The following CALN1 variants were observed in gnomAD, a reference collection of about 807,000 sequenced individuals.
CALN1 encodes calneuron 1.
Under a neutral mutation model 30.6 loss-of-function variants are expected in CALN1, and 17 were observed. The observed-to-expected ratio is 0.56, with a 90% CI of 0.38 to 0.83. CALN1 has a LOEUF of 0.83. Ranked by LOEUF, CALN1 falls within the 40% of genes least tolerant of loss-of-function variation. The pLI is 0.00. For missense variants in CALN1, 291 were observed against 354.9 expected (o/e 0.82, Z 1.45); for synonymous variants, 156 against 131.4 (o/e 1.19, Z -1.28).
At position 72,122,345 on chromosome 7, in the gene CALN1, A is replaced by G. The variant is rs182366996; in HGVS notation, c.245-16051T>C. 2.6e-5 allele frequency among the ~76,000 whole-genome samples: 4 copies of G among 152,308 alleles called. No individual in the cohort carries two copies. In the East Asian group the frequency reaches 7.7e-4, roughly 29 times the overall value. On this transcript the variant is annotated intron_variant, in intron 3 of 6. Coordinates refer to ENST00000395275, the MANE Select transcript of CALN1 (RefSeq NM_031468.4). ...GCCAGAAGAACAAAATCCAAGTTCC[A>G]GAAAGAAACTAGAGAAAAAGTGAAT...
At chr7:72,248,815 A>G (rs1795358603) in intron 3 of CALN1, among the ~76,000 whole-genome samples, 1 of 132,374 alleles carries the variant, frequency 7.6e-6, no homozygotes, top group African/African-American at 2.6e-5. Flanking sequence ...TTAAATTTCG[A>G]TCTAGATTTT....
At chr7:72,314,852 CA>C (rs1249755049) in intron 2 of CALN1, among the ~76,000 whole-genome samples, 3 of 125,240 alleles carry the variant, frequency 2.4e-5, no homozygotes, top group African/African-American at 6.0e-5. Context: ...AAAAAAAAAA[CA>C]AAAAAAACTA....
At chr7:72,230,985 A>T (rs995443837) in intron 3 of CALN1, among the ~76,000 whole-genome samples, 2 of 152,154 alleles carry the variant, frequency 1.3e-5, no homozygotes, top group African/African-American at 4.8e-5. Context: ...ATGAAATCTT[A>T]TACCATCCCA....
intron 5 of CALN1, among the ~76,000 whole-genome samples, chr7:71,916,668 G>C (rs1794702746): frequency 6.6e-6 from 1 of 152,108 alleles, no homozygotes; most frequent in Non-Finnish European, 1.5e-5. Context: ...GGGCACCTGT[G>C]CTGGGGGAGG....
At chr7:72,307,196 G>A (rs559475218) in intron 2 of CALN1, among the ~76,000 whole-genome samples, 10 of 152,260 alleles carry the variant, frequency 6.6e-5, no homozygotes, top group Admixed American at 6.5e-4. Context: ...GACCTCTGGA[G>A]ATTGGCTTCA....
At chr7:72,003,702 G>T (rs1799636568) in intron 5 of CALN1, among the ~76,000 whole-genome samples, 1 of 152,126 alleles carries the variant, frequency 6.6e-6, no homozygotes, top group East Asian at 1.9e-4. Context: ...CTAGTTGCAG[G>T]AAAACAAGCT....
At chr7:71,865,055 G>A (rs926630530) in intron 5 of CALN1, among the ~76,000 whole-genome samples, 9 of 152,020 alleles carry the variant, frequency 5.9e-5, no homozygotes, top group Non-Finnish European at 1.0e-4. Context: ...AAGCAAGACA[G>A]AAAGCAAGAA....
intron 3 of CALN1, among the ~76,000 whole-genome samples, chr7:72,150,867 G>C (rs190700017): frequency 2.0e-3 from 256 of 128,102 alleles, no homozygotes; most frequent in South Asian, 5.4e-3. Context: ...TATTTGCTGT[G>C]ATGATATGAT....
chr7:72,018,353 C>G (rs1189137540), intron 5 of CALN1, among the ~76,000 whole-genome samples: 1 of 152,118 alleles, frequency 6.6e-6, no homozygotes, highest in Non-Finnish European at 1.5e-5. Context: ...CAGCCCCGCT[C>G]AGTCCCTTCC....
intron 5 of CALN1, among the ~76,000 whole-genome samples, chr7:71,921,008 T>C (rs1053322834): frequency 2.0e-5 from 3 of 152,296 alleles, no homozygotes; most frequent in South Asian, 2.1e-4. Flanking sequence ...ATATACACCA[T>C]GGAATACTAT....
chr7:71,933,403 G>A lies in CALN1; in HGVS notation c.501+90254C>T, dbSNP rs563650229. ...CCGCCGCCGGCTGGTCTTTCCTTTC[G>A]GAAGCCCCTCTCACTAGAGAGGGAG... On this transcript the variant is annotated intron_variant, in intron 5 of 6. Coordinates refer to ENST00000395275, the MANE Select transcript of CALN1 (RefSeq NM_031468.4). Among the ~76,000 whole-genome samples the A allele has an allele frequency of 7.9e-5, 12 of 152,114 alleles. No individual in the cohort carries two copies. In the South Asian group the frequency reaches 1.7e-3, roughly 21 times the overall value.
chr7:72,216,127 C>A (rs774589781), intron 3 of CALN1, among the ~76,000 whole-genome samples: 1 of 152,058 alleles, frequency 6.6e-6, no homozygotes, highest in Non-Finnish European at 1.5e-5. Flanking sequence ...CCTTAAATAT[C>A]ACTGGGGCTG....
At position 71,784,372 on chromosome 7, in the gene CALN1, T is replaced by G. The variant is rs1792874842; in HGVS notation, c.*3403A>C. 2 of 154,602 alleles carry G rather than the reference T, an allele frequency of 1.3e-5. No individual in the cohort carries two copies. The highest frequency in any genetic ancestry group is 1.4e-5 in the Non-Finnish European group (1 of 69,780). The allele number at this position is 154,602 out of a possible 1,614,324, so 9.6% of individuals were successfully genotyped here. On this transcript the variant is annotated 3_prime_UTR_variant, in exon 7 of 7. Transcript: ENST00000395275. Reference sequence around the variant, plus strand: ...GTGTTCTTTAAGAAAATGTTCCCTATTTTTGTGTGCCTTGGCAAACTCAGG... The same window carrying G: ...GTGTTCTTTAAGAAAATGTTCCCTAGTTTTGTGTGCCTTGGCAAACTCAGG...
intron 1 of CALN1, among the ~76,000 whole-genome samples, chr7:72,422,994 T>C (rs369842270): frequency 6.6e-6 from 1 of 151,668 alleles, no homozygotes; most frequent in Non-Finnish European, 1.5e-5. Context: ...CCAGGCGTGG[T>C]CCCAGCTACT....
At chr7:72,242,750 T>C (rs1645116881) in intron 3 of CALN1, among the ~76,000 whole-genome samples, 1 of 152,048 alleles carries the variant, frequency 6.6e-6, no homozygotes, top group Non-Finnish European at 1.5e-5. Flanking sequence ...TATACAGGCG[T>C]GGTGGCATGT....
chr7:72,028,291 C>T (rs1801221868), intron 4 of CALN1, among the ~76,000 whole-genome samples: 1 of 152,102 alleles, frequency 6.6e-6, no homozygotes, highest in Admixed American at 6.6e-5. Flanking sequence ...GAAACCTCGA[C>T]TCAGGGTGCA....
At chr7:72,369,624 G>C (rs1052308112) in intron 2 of CALN1, among the ~76,000 whole-genome samples, 2 of 152,132 alleles carry the variant, frequency 1.3e-5, no homozygotes, top group Non-Finnish European at 1.5e-5. Flanking sequence ...GCCTCCCAAA[G>C]TGCTGGGATT....
At chr7:71,837,545 C>G (rs1436557290) in intron 5 of CALN1, among the ~76,000 whole-genome samples, 2 of 152,022 alleles carry the variant, frequency 1.3e-5, no homozygotes, top group Non-Finnish European at 2.9e-5. Context: ...AATTTGACAC[C>G]TGGGAAGGTT....
At chr7:72,468,723 A>G in the CALN1 span, among the ~76,000 whole-genome samples, 1 of 152,200 alleles carries the variant, frequency 6.6e-6, no homozygotes, top group African/African-American at 2.4e-5. Context: ...ATTCTTGCCA[A>G]CACTTAAATT....
Sources: gnomAD v4.1 joint callset for allele counts (sites outside exome capture counted in the v4.1 genomes callset) on GRCh38, gnomAD v4.1.1 for gene constraint, MANE v1.5 for transcripts, NCBI Gene and HGNC (gene_info 2026-07-23, HGNC 2026-07-21) for gene names.